The following TMEM150C variants were observed in gnomAD, a reference collection of about 807,000 sequenced individuals.
The protein encoded by TMEM150C is transmembrane protein 150C.
In TMEM150C, 10 loss-of-function variants were observed where a neutral mutation model predicts 29.9. The ratio of observed to expected loss-of-function variants is 0.33; its 90% CI spans 0.21 to 0.57. TMEM150C has a LOEUF of 0.57. Among genes scored for constraint, TMEM150C ranks in the 20% least tolerant of loss-of-function variants. The pLI is 0.88. For missense variants in TMEM150C, 251 were observed against 303.6 expected, an observed-to-expected ratio of 0.83 and a Z score of 1.29; for synonymous variants, 101 against 112.5, an observed-to-expected ratio of 0.90 and a Z score of 0.64.
intron 1 of TMEM150C, among the ~76,000 whole-genome samples, chr4:82,541,782 T>A (rs10516675): frequency 6.6e-6 from 1 of 152,150 alleles, no homozygotes; most frequent in Admixed American, 6.5e-5. Flanking sequence ...ACTGTTGATA[T>A]ACTAAAACAG....
intron 7 of TMEM150C, among the ~76,000 whole-genome samples, chr4:82,485,923 T>C (rs1723145398): frequency 6.6e-6 from 1 of 152,236 alleles, no homozygotes; most frequent in African/African-American, 2.4e-5. Flanking sequence ...GACATGCTTT[T>C]AGGTGCTTTC....
At chr4:82,544,934 C>T (rs1171471444) in intron 1 of TMEM150C, among the ~76,000 whole-genome samples, 1 of 152,008 alleles carries the variant, frequency 6.6e-6, no homozygotes, top group Non-Finnish European at 1.5e-5. Context: ...TGAAAAAAGA[C>T]CAGATGTATT....
At chr4:82,485,762 T>A in intron 7 of TMEM150C, 43 bp from the exon 8 acceptor site, 2 of 1,529,220 alleles carry the variant, frequency 1.3e-6, no homozygotes, top group Non-Finnish European at 1.8e-6. Context: ...TCAGCCACAT[T>A]AAAACTGGAA....
chr4:82,500,080 C>T (rs1723689199), intron 5 of TMEM150C, among the ~76,000 whole-genome samples: 1 of 152,164 alleles, frequency 6.6e-6, no homozygotes, highest in Non-Finnish European at 1.5e-5. Context: ...CTTTTTCTCT[C>T]CTACCCCGTG....
intron 1 of TMEM150C, among the ~76,000 whole-genome samples, chr4:82,529,147 G>A (rs1452080038): frequency 6.6e-6 from 1 of 152,152 alleles, no homozygotes; most frequent in Non-Finnish European, 1.5e-5. Context: ...AGAAGCACCA[G>A]CAGTGGGAGG....
intron 1 of TMEM150C, among the ~76,000 whole-genome samples, chr4:82,547,032 T>A (rs1374383987): frequency 6.6e-6 from 1 of 151,770 alleles, no homozygotes; most frequent in African/African-American, 2.4e-5. Flanking sequence ...GCAACAAAAA[T>A]AAAAATTGAG....
At chr4:82,552,868 G>C (rs1725625960) in intron 1 of TMEM150C, among the ~76,000 whole-genome samples, 1 of 152,130 alleles carries the variant, frequency 6.6e-6, no homozygotes, top group Non-Finnish European at 1.5e-5. Context: ...GGCCAGCCAT[G>C]GGCAAAGGTC....
At chr4:82,538,004 C>T (rs560072572) in intron 1 of TMEM150C, among the ~76,000 whole-genome samples, 6 of 152,304 alleles carry the variant, frequency 3.9e-5, no homozygotes, top group Non-Finnish European at 8.8e-5. Context: ...ACTAAGGAAA[C>T]AATCCAAGAT....
intron 6 of TMEM150C, among the ~76,000 whole-genome samples, chr4:82,492,864 G>GTACATATA (rs1723410696): frequency 1.1e-5 from 1 of 90,288 alleles, no homozygotes; most frequent in Admixed American, 1.2e-4. Flanking sequence ...ATATGTTTGT[G>GTACATATA]TATATATATA....
intron 6 of TMEM150C, among the ~76,000 whole-genome samples, chr4:82,491,937 TTTTTTTTTTTGG>T (rs1723364951): frequency 1.1e-5 from 1 of 90,008 alleles, no homozygotes; most frequent in African/African-American, 8.5e-5. Context: ...CTAATTCTTG[TTTTTTTTTTTGG>T]TTTTTTTTTT....
chr4:82,512,594 T>A (rs372239504), intron 1 of TMEM150C, among the ~76,000 whole-genome samples: 13 of 152,216 alleles, frequency 8.5e-5, no homozygotes, highest in Non-Finnish European at 1.6e-4. Flanking sequence ...GATTTCATTA[T>A]ACAGGAAAAT....
Position 82,510,060 on chromosome 4 carries a change from G to A in TMEM150C, c.-10-5393C>T, listed in dbSNP as rs569312775. ...CAGCTTTAAAAACTTTATTAGGGCC[G>A]TGAGGTCAGGAGATCGAGACCATCC... On this transcript the variant is annotated intron_variant, in intron 1 of 7. Coordinates refer to ENST00000449862, the MANE Select transcript of TMEM150C (RefSeq NM_001080506.3). Among the ~76,000 whole-genome samples, 6 of 151,752 alleles carry A rather than the reference G, an allele frequency of 4.0e-5. No individual in the cohort carries two copies. In the East Asian group the frequency reaches 7.9e-4, roughly 20 times the overall value.
intron 1 of TMEM150C, among the ~76,000 whole-genome samples, chr4:82,510,626 C>T (rs1195264755): frequency 6.6e-6 from 1 of 152,206 alleles, no homozygotes; most frequent in African/African-American, 2.4e-5. Flanking sequence ...AGAACAGTGG[C>T]TGGCATACAG....
At chr4:82,532,130 C>T (rs932914102) in intron 1 of TMEM150C, among the ~76,000 whole-genome samples, 1 of 152,110 alleles carries the variant, frequency 6.6e-6, no homozygotes, top group Non-Finnish European at 1.5e-5. Flanking sequence ...TAGTACTGAG[C>T]ATTTGTATAG....
chr4:82,492,845 A>C (rs1723407502), intron 6 of TMEM150C, among the ~76,000 whole-genome samples: 1 of 112,454 alleles, frequency 8.9e-6, no homozygotes, highest in African/African-American at 3.6e-5. Flanking sequence ...TCTTCATCAA[A>C]CCTAGCGTAT....
chr4:82,518,027 G>A (rs1217594798), intron 1 of TMEM150C, among the ~76,000 whole-genome samples: 5 of 152,130 alleles, frequency 3.3e-5, no homozygotes, highest in Non-Finnish European at 5.9e-5. Flanking sequence ...TCAGAAAGTA[G>A]TGACCAGGCT....
intron 6 of TMEM150C, among the ~76,000 whole-genome samples, chr4:82,492,920 C>T (rs894421657): frequency 8.2e-6 from 1 of 122,044 alleles, no homozygotes; most frequent in Admixed American, 9.0e-5. Context: ...TGGGGTCTTG[C>T]TTTGTTGCCC....
intron 1 of TMEM150C, among the ~76,000 whole-genome samples, chr4:82,549,788 G>A (rs7665277): frequency 2.0e-5 from 3 of 152,096 alleles, no homozygotes; most frequent in Non-Finnish European, 2.9e-5. Context: ...TGTAGAGATC[G>A]ACCTTAATTT....
chr4:82,520,159 C>T (rs1295842531), intron 1 of TMEM150C, among the ~76,000 whole-genome samples: 1 of 152,202 alleles, frequency 6.6e-6, no homozygotes, highest in East Asian at 1.9e-4. Context: ...ATTATATAGA[C>T]ATGCAATTCA....
Sources: allele counts gnomAD v4.1 joint callset (sites outside exome capture counted in the v4.1 genomes callset), GRCh38; gene constraint gnomAD v4.1.1; transcripts MANE v1.5; gene names NCBI Gene and HGNC (gene_info 2026-07-23, HGNC 2026-07-21).